NCAM1: variants seen among roughly 807,000 people sequenced by gnomAD.
NCAM1 encodes neural cell adhesion molecule 1, also known as antigen recognized by monoclonal antibody 5.1H11.
NCAM1 carries 14 observed loss-of-function variants against 109.8 expected under a neutral mutation model. That is an observed-to-expected ratio of 0.13 (90% CI 0.08 to 0.20). The LOEUF is 0.20. NCAM1 is among the 10% of genes least tolerant of loss of function. The probability of loss-of-function intolerance (pLI) is 1.00; values close to 1 mark genes in which losing one functional copy is unlikely to be tolerated. For missense variants in NCAM1, 774 were observed against 1,109.9 expected (o/e 0.70, Z 4.30); for synonymous variants, 418 against 442.9 (o/e 0.94, Z 0.70).
chr11:112,999,480 C>A (rs1951687301), intron 1 of NCAM1, among the ~76,000 whole-genome samples: 1 of 151,776 alleles, frequency 6.6e-6, no homozygotes, highest in African/African-American at 2.4e-5. Flanking sequence ...TATTTTATTT[C>A]TTTTTTTGTT....
intron 8 of NCAM1, among the ~76,000 whole-genome samples, chr11:113,217,280 A>C (rs187249508): frequency 6.6e-6 from 1 of 152,318 alleles, no homozygotes; most frequent in East Asian, 1.9e-4. Context: ...GCTGAAGAGC[A>C]GAAAGAGCTA....
Position 113,043,852 on chromosome 11 carries a change from A to G in NCAM1, c.52+82188A>G, listed in dbSNP as rs147134099. On this transcript the variant is annotated intron_variant, in intron 1 of 19. Coordinates refer to ENST00000316851, the MANE Select transcript of NCAM1 (RefSeq NM_181351.5). Reference sequence around the variant, plus strand: ...CCCGCCTGACACAGCCTCCAGGGCCATGCTCCACCTAGCATTGTGTCATGT... The same window carrying G: ...CCCGCCTGACACAGCCTCCAGGGCCGTGCTCCACCTAGCATTGTGTCATGT... 4.6e-5 allele frequency among the ~76,000 whole-genome samples: 7 copies of G among 151,738 alleles called. 1 individual carries two copies. In the South Asian group the frequency reaches 1.0e-3, roughly 23 times the overall value.
intron 15 of NCAM1, among the ~76,000 whole-genome samples, chr11:113,250,196 C>T (rs17115267): frequency 0.01 from 1,524 of 152,300 alleles, 30 homozygotes; most frequent in African/African-American, 0.035. Context: ...TTACACTGCC[C>T]GGCTGTTCTT....
chr11:113,086,309 A>G (rs140871309), intron 1 of NCAM1, among the ~76,000 whole-genome samples: 2 of 152,336 alleles, frequency 1.3e-5, no homozygotes, highest in Non-Finnish European at 2.9e-5. Context: ...CAGAACTGAC[A>G]AAGTAGGGAA....
At chr11:113,084,223 C>T (rs1555087837) in intron 1 of NCAM1, among the ~76,000 whole-genome samples, 1 of 152,128 alleles carries the variant, frequency 6.6e-6, no homozygotes, top group Non-Finnish European at 1.5e-5. Context: ...AGGGCCCATC[C>T]TCTGTTTGCA....
At chr11:113,087,899 G>A (rs1028639018) in intron 1 of NCAM1, among the ~76,000 whole-genome samples, 10 of 152,174 alleles carry the variant, frequency 6.6e-5, no homozygotes, top group Non-Finnish European at 1.2e-4. Flanking sequence ...GGCTAAGATC[G>A]CAAGGCATTC....
chr11:113,274,768 GGT>G lies in NCAM1; in HGVS notation c.2457-497_2457-496del, dbSNP rs1439103998. ...ATCATCCTGCAACAGCACAGGGTGG[GGT>G]GGGGAAGGGACAGGCAAGAGTGGGT... is the stretch of plus-strand genomic sequence containing the variant. On this transcript the variant is annotated intron_variant, in intron 19 of 19. Coordinates refer to ENST00000316851, the MANE Select transcript of NCAM1 (RefSeq NM_181351.5). This position sits in a 1 kb window ranked among gnomAD's most constrained non-coding sequence, Gnocchi z 4.1. Among the ~76,000 whole-genome samples the G allele has an allele frequency of 5.3e-5, 8 of 152,192 alleles. 1 individual carries two copies. The highest frequency in any genetic ancestry group is 3.9e-4 in the Admixed American group (6 of 15,284).
intron 1 of NCAM1, among the ~76,000 whole-genome samples, chr11:113,066,593 T>C (rs1440373917): frequency 6.6e-6 from 1 of 152,182 alleles, no homozygotes; most frequent in East Asian, 1.9e-4. Flanking sequence ...AATCATCTTT[T>C]CTCTTATGAC....
chr11:112,992,451 T>C (rs1555070708), intron 1 of NCAM1, among the ~76,000 whole-genome samples: 3 of 151,874 alleles, frequency 2.0e-5, no homozygotes, highest in Non-Finnish European at 4.4e-5. Context: ...TAAAAATATA[T>C]ATACTGAGAT....
chr11:113,273,065 G>A lies in NCAM1; in HGVS notation c.2456+1189G>A, dbSNP rs1555125815. On this transcript the variant is annotated intron_variant, in intron 19 of 19. Coordinates refer to ENST00000316851, the MANE Select transcript of NCAM1 (RefSeq NM_181351.5). The surrounding 1 kb of genome is among the most constrained non-coding windows in gnomAD (Gnocchi z 6.0). ...GCCCCACCAGTGAGACCACCACCCT[G>A]ACCTCCAGTATTGCCCCGCCGGCCA... The A allele has an allele frequency of 4.4e-6, 2 of 456,446 alleles. No individual in the cohort carries two copies. The highest frequency in any genetic ancestry group is 2.0e-5 in the African/African-American group (1 of 49,998). 28.3% of individuals were successfully genotyped at this position (456,446 alleles called of 1,614,324 possible). A position where few individuals can be genotyped will look rare whatever the true frequency, so the allele number is the denominator to read the frequency against.
intron 1 of NCAM1, among the ~76,000 whole-genome samples, chr11:113,196,643 T>TGA (rs1943863246): frequency 6.6e-6 from 1 of 152,194 alleles, no homozygotes; most frequent in Admixed American, 6.5e-5. Flanking sequence ...GTTTTACAGA[T>TGA]GAGACACTGA....
At chr11:113,194,268 G>A (rs1221899310) in intron 1 of NCAM1, among the ~76,000 whole-genome samples, 1 of 152,134 alleles carries the variant, frequency 6.6e-6, no homozygotes, top group Non-Finnish European at 1.5e-5. Context: ...TTTTCTTCCT[G>A]ACTGTAATAT....
intron 1 of NCAM1, among the ~76,000 whole-genome samples, chr11:113,029,883 G>A (rs1952661770): frequency 6.6e-6 from 1 of 152,160 alleles, no homozygotes; most frequent in Non-Finnish European, 1.5e-5. Flanking sequence ...CTTTGGCCTG[G>A]GCCTTGGCAT....
chr11:112,995,678 G>A (rs1951573432), intron 1 of NCAM1, among the ~76,000 whole-genome samples: 1 of 152,160 alleles, frequency 6.6e-6, no homozygotes, highest in African/African-American at 2.4e-5. Context: ...GTGAACTGTA[G>A]CTAGCAATAG....
chr11:113,195,495 A>ATTTTTTTTTTTTTTTT (rs561856662), intron 1 of NCAM1, among the ~76,000 whole-genome samples: 2 of 85,584 alleles, frequency 2.3e-5, no homozygotes, highest in Non-Finnish European at 2.0e-5. Flanking sequence ...CCCTTAGTAG[A>ATTTTTTTTTTTTTTTT]TTTTTTTTTT....
intron 17 of NCAM1, chr11:113,263,603 T>G (rs762082614): frequency 6.7e-5 from 66 of 985,392 alleles, no homozygotes; most frequent in Non-Finnish European, 8.0e-5. Context: ...CCTTACACTG[T>G]CTCTGTGAAC....
At chr11:113,181,388 C>T (rs1332019625) in intron 1 of NCAM1, among the ~76,000 whole-genome samples, 1 of 152,258 alleles carries the variant, frequency 6.6e-6, no homozygotes, top group South Asian at 2.1e-4. Context: ...AGTAGGCTAA[C>T]AAATGATGGC....
chr11:112,991,866 G>A (rs1164538357), intron 1 of NCAM1, among the ~76,000 whole-genome samples: 5 of 152,078 alleles, frequency 3.3e-5, no homozygotes, highest in East Asian at 3.9e-4. Flanking sequence ...TTTTAATGAT[G>A]GGTAATGTAA....
At chr11:113,053,837 G>C (rs1435579318) in intron 1 of NCAM1, among the ~76,000 whole-genome samples, 1 of 152,114 alleles carries the variant, frequency 6.6e-6, no homozygotes, top group African/African-American at 2.4e-5. Flanking sequence ...GAAGTCCCTG[G>C]GGGCTTGTGA....
Sources: allele counts gnomAD v4.1 joint callset (sites outside exome capture counted in the v4.1 genomes callset), GRCh38; gene constraint gnomAD v4.1.1; non-coding constraint Gnocchi (gnomAD v3.1); transcripts MANE v1.5; gene names NCBI Gene and HGNC (gene_info 2026-07-23, HGNC 2026-07-21).